Variants in PRH1 observed in about 807,000 individuals in gnomAD.
The protein encoded by PRH1 is proline rich protein HaeIII subfamily 1.
In PRH1, 7 loss-of-function variants were observed where a neutral mutation model predicts 7.9. That is an observed-to-expected ratio of 0.89 (90% CI 0.50 to 1.67). The LOEUF is 1.67. PRH1 is among the 40% of genes most tolerant of loss of function. The pLI is 0.00. For missense variants in PRH1, 109 were observed against 223.6 expected (o/e 0.49, Z 3.27); for synonymous variants, 45 against 80.8 (o/e 0.56, Z 2.38).
At chr12:10,926,836 T>C (rs1180383002) in intron 2 of PRH1, among the ~76,000 whole-genome samples, 2 of 152,196 alleles carry the variant, frequency 1.3e-5, no homozygotes, top group African/African-American at 4.8e-5. Flanking sequence ...TTATGAAAGA[T>C]GAATCCTAAA....
At chr12:11,158,700 T>C (rs1438031894) in intron 1 of PRH1, 1 of 145,604 alleles carries the variant, frequency 6.9e-6, no homozygotes, top group African/African-American at 2.5e-5. Context: ...AAAAAAGAAA[T>C]TGTTAAATAT....
intron 1 of PRH1, among the ~76,000 whole-genome samples, chr12:11,102,592 G>C (rs1043935592): frequency 6.6e-6 from 1 of 152,126 alleles, no homozygotes; most frequent in African/African-American, 2.4e-5. Context: ...AAAAACCCTA[G>C]AAGTAAACCT....
intron 2 of PRH1, among the ~76,000 whole-genome samples, chr12:10,890,819 G>C (rs914497694): frequency 4.0e-5 from 6 of 151,092 alleles, no homozygotes; most frequent in Non-Finnish European, 1.5e-5. Context: ...GAGGGGATGG[G>C]AGGGGAGGGG....
intron 1 of PRH1, among the ~76,000 whole-genome samples, chr12:11,058,830 T>A (rs1189174818): frequency 6.6e-6 from 1 of 152,190 alleles, no homozygotes; most frequent in Non-Finnish European, 1.5e-5. Flanking sequence ...GTGCAAGTCA[T>A]ATGCTCATAA....
intron 1 of PRH1, among the ~76,000 whole-genome samples, chr12:11,160,616 G>C (rs186099657): frequency 6.6e-6 from 1 of 152,000 alleles, no homozygotes; most frequent in Non-Finnish European, 1.5e-5. Flanking sequence ...GACTATAGGC[G>C]AGCACCACCA....
At chr12:10,997,421 T>C in intron 1 of PRH1, 4 of 1,614,068 alleles carry the variant, frequency 2.5e-6, no homozygotes, top group Non-Finnish European at 2.5e-6. Flanking sequence ...TGTCCACACA[T>C]TTATATACGT....
chr12:11,067,705 C>G (rs2598004), intron 1 of PRH1, among the ~76,000 whole-genome samples: 1 of 151,618 alleles, frequency 6.6e-6, no homozygotes, highest in African/African-American at 2.4e-5. Context: ...CTACCAAAAA[C>G]AGAAAAAATT....
chr12:11,124,797 T>A (rs186415480), intron 1 of PRH1, among the ~76,000 whole-genome samples: 1 of 152,228 alleles, frequency 6.6e-6, no homozygotes, highest in Non-Finnish European at 1.5e-5. Context: ...TTCAATGTAC[T>A]AGAGTTAAGG....
chr12:10,910,017 T>C (rs899333174), intron 2 of PRH1, among the ~76,000 whole-genome samples: 7 of 152,120 alleles, frequency 4.6e-5, no homozygotes, highest in Non-Finnish European at 1.0e-4. Context: ...TTTTTTAAAC[T>C]TAAAAGTGAT....
chr12:11,098,439 T>C (rs1490304653), intron 1 of PRH1, among the ~76,000 whole-genome samples: 2 of 152,162 alleles, frequency 1.3e-5, no homozygotes, highest in Non-Finnish European at 2.9e-5. Flanking sequence ...CTGGAATTAT[T>C]CATACTGAAA....
At chr12:10,885,483 G>T (rs549580770), upstream of PRH1, among the ~76,000 whole-genome samples, 5 of 150,790 alleles carry the variant, frequency 3.3e-5, no homozygotes, top group East Asian at 7.8e-4. Context: ...TTTCATTTTT[G>T]TCTGTATAAT....
downstream of PRH1, among the ~76,000 whole-genome samples, chr12:11,117,885 G>T (rs184077876): frequency 6.6e-6 from 1 of 152,080 alleles, no homozygotes; most frequent in Middle Eastern, 3.4e-3. Context: ...ATGAAACTAG[G>T]CCCATATATC....
At chr12:11,065,705 T>G (rs1943778820) in intron 1 of PRH1, among the ~76,000 whole-genome samples, 2 of 152,198 alleles carry the variant, frequency 1.3e-5, no homozygotes, top group South Asian at 4.1e-4. Flanking sequence ...AACACCAACT[T>G]CTTAAAAAAT....
chr12:10,957,574 C>T (rs1281203597), intron 2 of PRH1, among the ~76,000 whole-genome samples: 1 of 152,028 alleles, frequency 6.6e-6, no homozygotes, highest in East Asian at 1.9e-4. Flanking sequence ...AGTGGAACCT[C>T]ATTAAACTGA....
chr12:11,140,870 C>T (rs553184365), intron 1 of PRH1, among the ~76,000 whole-genome samples: 2 of 152,068 alleles, frequency 1.3e-5, no homozygotes, highest in African/African-American at 4.8e-5. Context: ...AGGATCATCA[C>T]CAAAGTAGAT....
chr12:10,990,518 C>T (rs552225581), intron 1 of PRH1, among the ~76,000 whole-genome samples: 3 of 152,224 alleles, frequency 2.0e-5, no homozygotes, highest in East Asian at 3.9e-4. Context: ...AGACAAAATC[C>T]GATCATTCAA....
intron 2 of PRH1, among the ~76,000 whole-genome samples, chr12:10,961,692 C>T (rs1057248622): frequency 2.0e-5 from 3 of 152,176 alleles, no homozygotes; most frequent in East Asian, 1.9e-4. Flanking sequence ...CAGCCACCAA[C>T]GGACTGGATG....
intron 1 of PRH1, chr12:11,062,340 A>G (rs751397246): frequency 7.0e-7 from 1 of 1,420,820 alleles, no homozygotes; most frequent in Non-Finnish European, 9.5e-7. Context: ...GTGTAATATC[A>G]CTGGTTGTGA....
At chr12:11,128,264 T>C (rs994256571) in intron 1 of PRH1, among the ~76,000 whole-genome samples, 2 of 129,970 alleles carry the variant, frequency 1.5e-5, no homozygotes, top group African/African-American at 2.6e-5. Flanking sequence ...TGATTACTTA[T>C]TGATTTATGA....
Sources: gnomAD v4.1 joint callset for allele counts (sites outside exome capture counted in the v4.1 genomes callset) on GRCh38, gnomAD v4.1.1 for gene constraint, MANE v1.5 for transcripts, NCBI Gene and HGNC (gene_info 2026-07-23, HGNC 2026-07-21) for gene names.